The following MPDZ variants were observed in gnomAD, a reference collection of about 807,000 sequenced individuals.
MPDZ encodes multiple PDZ domain crumbs cell polarity complex component.
A neutral mutation model predicts 239.1 loss-of-function variants in MPDZ; 234 were observed. That is an observed-to-expected ratio of 0.98 (90% CI 0.88 to 1.09). The LOEUF (loss-of-function observed/expected upper bound fraction) is 1.09, where lower values mean the gene tolerates loss of function less well. MPDZ is among the 50% of genes least tolerant of loss of function. MPDZ has a pLI of 0.00. For missense variants in MPDZ, 3,175 were observed against 2,510.0 expected, an observed-to-expected ratio of 1.26 and a Z score of -5.66; for synonymous variants, 1,048 against 881.3, an observed-to-expected ratio of 1.19 and a Z score of -3.35.
chr9:13,115,878 G>A (rs1943346346), intron 39 of MPDZ, among the ~76,000 whole-genome samples: 1 of 148,370 alleles, frequency 6.7e-6, no homozygotes, highest in African/African-American at 2.5e-5. Flanking sequence ...CTGGGAGGCG[G>A]AGCTTGCAGT....
intron 2 of MPDZ, 25 bp downstream of exon 2, chr9:13,250,275 G>T: frequency 6.3e-7 from 1 of 1,588,380 alleles, no homozygotes; most frequent in Non-Finnish European, 8.6e-7. Context: ...TCTTATAAAA[G>T]TAGGCAGAAA....
intron 39 of MPDZ, among the ~76,000 whole-genome samples, chr9:13,119,069 A>G (rs1943936522): frequency 6.6e-6 from 1 of 152,202 alleles, no homozygotes; most frequent in African/African-American, 2.4e-5. Flanking sequence ...CTTCTATGGA[A>G]CATAAATGAT....
At chr9:13,277,214 A>G (rs1974426427) in intron 1 of MPDZ, among the ~76,000 whole-genome samples, 1 of 152,184 alleles carries the variant, frequency 6.6e-6, no homozygotes, top group South Asian at 2.1e-4. Context: ...TCCAAGCCAC[A>G]ACCTTCAGGC....
In MPDZ at chr9:13,143,654, A is replaced by T. The variant is rs1030048171; in HGVS notation, c.3742-90T>A. 6.1e-6 allele frequency: 6 copies of T among 978,130 alleles called. No homozygotes were observed. The African/African-American group carries it at 9.6e-5, about 16-fold the overall frequency. The allele number at this position is 978,130 out of a possible 1,614,324, so 60.6% of individuals were successfully genotyped here. The stretch of plus-strand genomic sequence containing the variant: ...AGCAAAGTACATACCGATTTAAAGA[A>T]CTGCCTGTGTGAAACTAGATCCTAT... On this transcript the variant is annotated intron_variant, in intron 26 of 46. Transcript: ENST00000319217.
At chr9:13,186,154 C>G (rs1386387496) in intron 18 of MPDZ, 116 bp downstream of exon 18, 1 of 495,948 alleles carries the variant, frequency 2.0e-6, no homozygotes, top group African/African-American at 2.0e-5. Flanking sequence ...ACATGTTTAT[C>G]TTTCCAAATA....
intron 10 of MPDZ, among the ~76,000 whole-genome samples, chr9:13,206,709 A>G (rs914084203): frequency 6.6e-6 from 1 of 151,994 alleles, no homozygotes; most frequent in Non-Finnish European, 1.5e-5. Context: ...ATGCCCAGCT[A>G]ATTTTTGTAT....
intron 4 of MPDZ, 73 bp downstream of exon 4, chr9:13,224,301 A>T: frequency 7.5e-7 from 1 of 1,324,896 alleles, no homozygotes; most frequent in Non-Finnish European, 1.0e-6. Flanking sequence ...TATTCTTCAA[A>T]TTATCCATAA....
chr9:13,106,948 C>A lies in MPDZ; in HGVS notation c.*17G>T. 6.2e-7 allele frequency: 1 copy of A among 1,612,890 alleles called. No homozygotes were observed. Among genetic ancestry groups the A allele is most frequent in the South Asian group, 1.1e-5 (1 of 90,998 alleles). On this transcript the variant is annotated 3_prime_UTR_variant, in exon 47 of 47. Coordinates refer to ENST00000319217, the MANE Select transcript of MPDZ (RefSeq NM_001378778.1). Reference sequence around the variant, plus strand: ...AGGTGAGCTAGGGGTTGGGTTGGTTCAATTCTGGCAGCCAATTCAAGAGAG... The same window carrying A: ...AGGTGAGCTAGGGGTTGGGTTGGTTAAATTCTGGCAGCCAATTCAAGAGAG...
At chr9:13,116,861 T>C (rs1316861587) in intron 39 of MPDZ, among the ~76,000 whole-genome samples, 3 of 152,160 alleles carry the variant, frequency 2.0e-5, no homozygotes, top group Non-Finnish European at 4.4e-5. Flanking sequence ...TTAAAAAACT[T>C]ATAAGATTGT....
intron 3 of MPDZ, among the ~76,000 whole-genome samples, chr9:13,236,420 T>A: frequency 6.7e-6 from 1 of 150,082 alleles, no homozygotes; most frequent in Non-Finnish European, 1.5e-5. Flanking sequence ...TGAGCTGGGA[T>A]TACAGGCATG....
chr9:13,234,689 G>C (rs534723205), intron 3 of MPDZ, among the ~76,000 whole-genome samples: 1 of 152,204 alleles, frequency 6.6e-6, no homozygotes, highest in African/African-American at 2.4e-5. Flanking sequence ...TGTTTAAACT[G>C]ACATACATTG....
rs1049977466 is a variant in MPDZ at position 13,143,333 on chromosome 9, C to G, written c.3840+133G>C. ...AAAGGATCTGCATGCCCACTCCAAA[C>G]AGCTTTGTTTTTTTGTTTTTTTTTC... On this transcript the variant is annotated intron_variant, in intron 27 of 46. Transcript: ENST00000319217. 3 of 660,730 alleles carry G rather than the reference C, an allele frequency of 4.5e-6. No homozygotes were observed. In the African/African-American group the frequency reaches 5.4e-5, roughly 12 times the overall value. 40.9% of individuals were successfully genotyped at this position (660,730 alleles called of 1,614,324 possible).
intron 32 of MPDZ, among the ~76,000 whole-genome samples, chr9:13,127,269 G>A (rs891863050): frequency 5.3e-5 from 8 of 152,122 alleles, no homozygotes; most frequent in African/African-American, 1.9e-4. Flanking sequence ...TTTGGGGGGT[G>A]AACACTCAGA....
At chr9:13,149,830 A>G (rs898767210) in intron 25 of MPDZ, among the ~76,000 whole-genome samples, 1 of 152,094 alleles carries the variant, frequency 6.6e-6, no homozygotes, top group Non-Finnish European at 1.5e-5. Context: ...GTGCACACAC[A>G]TGCACACAGG....
chr9:13,184,757 A>G (rs546564441), intron 18 of MPDZ, among the ~76,000 whole-genome samples: 10 of 152,116 alleles, frequency 6.6e-5, no homozygotes, highest in South Asian at 2.1e-4. Context: ...TATATTGCTG[A>G]TATCTTAGGA....
rs757519973 is a variant in MPDZ, at chr9:13,190,235, G to C, written c.2033C>G (p.Thr678Ser). ...CTCTTCTGTACTCTGACCCGCATCA[G>C]TCATCGCCAGCACTGGATCCTCTGT... is the stretch of plus-strand genomic sequence containing the variant. ...SETEDPVLAM[T>S]DAGQSTEEVQ... Residue 678 changes from threonine (T) to serine (S), a missense_variant, in exon 16 of 47, where the codon ACT (threonine) becomes AGT (serine). Thr to Ser is a moderately conservative substitution (Grantham distance 58, BLOSUM62 1). Transcript: ENST00000319217. The C allele has an allele frequency of 1.2e-6, 2 of 1,612,466 alleles. No individual in the cohort carries two copies. Among genetic ancestry groups the C allele is most frequent in the African/African-American group, 2.7e-5 (2 of 74,878 alleles).
chr9:13,277,069 C>G (rs969648479), intron 1 of MPDZ, among the ~76,000 whole-genome samples: 1 of 152,158 alleles, frequency 6.6e-6, no homozygotes, highest in Non-Finnish European at 1.5e-5. Flanking sequence ...AACTCTGAGA[C>G]CAGCCTCTAT....
chr9:13,136,563 T>C, intron 30 of MPDZ, 149 bp downstream of exon 30: 1 of 595,044 alleles, frequency 1.7e-6, no homozygotes, highest in Non-Finnish European at 3.0e-6. Flanking sequence ...CCTGACCTCA[T>C]GATCCGCCCG....
chr9:13,252,132 C>A (rs1968201849), intron 1 of MPDZ, among the ~76,000 whole-genome samples: 2 of 152,120 alleles, frequency 1.3e-5, no homozygotes, highest in African/African-American at 4.8e-5. Context: ...TGCATTATTT[C>A]ATGAGGCCTA....
Sources: allele counts gnomAD v4.1 joint callset (sites outside exome capture counted in the v4.1 genomes callset), GRCh38; gene constraint gnomAD v4.1.1; transcripts MANE v1.5; gene names NCBI Gene and HGNC (gene_info 2026-07-23, HGNC 2026-07-21).